NYAP2: variants seen among roughly 807,000 people sequenced by gnomAD.
The protein encoded by NYAP2 is neuronal tyrosine-phosphorylated phosphoinositide-3-kinase adapter 2.
A neutral mutation model predicts 50.4 loss-of-function variants in NYAP2; 23 were observed. That is an observed-to-expected ratio of 0.46 (90% confidence interval 0.33 to 0.65). The LOEUF (loss-of-function observed/expected upper bound fraction) is 0.65, where lower values mean the gene tolerates loss of function less well. NYAP2 is among the 30% of genes least tolerant of loss of function. The pLI, the probability that NYAP2 is intolerant of heterozygous loss-of-function variation, is 0.02. For missense variants in NYAP2, 885 were observed against 861.0 expected, an observed-to-expected ratio of 1.03 and a Z score of -0.35; for synonymous variants, 394 against 365.2, an observed-to-expected ratio of 1.08 and a Z score of -0.90.
intron 4 of NYAP2, among the ~76,000 whole-genome samples, chr2:225,564,330 G>A (rs759365035): frequency 4.0e-5 from 6 of 151,586 alleles, no homozygotes; most frequent in African/African-American, 1.5e-4. Flanking sequence ...CAAAAGTCAA[G>A]GATTAGATTT....
At chr2:225,539,045 T>A (rs1306307849) in intron 4 of NYAP2, among the ~76,000 whole-genome samples, 2 of 152,004 alleles carry the variant, frequency 1.3e-5, no homozygotes, top group African/African-American at 4.8e-5. Context: ...CCTCCCCGTG[T>A]CTGTGTGTTC....
chr2:225,451,355 C>A (rs987577142), intron 3 of NYAP2, among the ~76,000 whole-genome samples: 7 of 152,048 alleles, frequency 4.6e-5, no homozygotes, highest in Non-Finnish European at 1.0e-4. Context: ...TTAATATTTT[C>A]TTTATTTTAA....
chr2:225,473,857 TG>T (rs1225979252), intron 3 of NYAP2, among the ~76,000 whole-genome samples: 1 of 152,174 alleles, frequency 6.6e-6, no homozygotes, highest in African/African-American at 2.4e-5. Flanking sequence ...CCATTGCTTT[TG>T]GTGCTTTAGA....
rs1463018736 is a variant in NYAP2 at position 225,400,969 on chromosome 2, G to A, written c.-92G>A. The A allele has an allele frequency of 6.8e-6, 1 of 147,982 alleles. No homozygotes were observed. The highest frequency in any genetic ancestry group is 1.5e-5 in the Non-Finnish European group (1 of 66,954). The allele number at this position is 147,982 out of a possible 1,614,324, so 9.2% of individuals were successfully genotyped here. A position where few individuals can be genotyped will look rare whatever the true frequency, so the allele number is the denominator to read the frequency against. On this transcript the variant is annotated 5_prime_UTR_variant, in exon 2 of 7. In the 5' UTR this introduces an upstream ATG that the reference lacks. Transcript: ENST00000636099. ...CTACAGAACTGCCCTGAGATCAACC[G>A]TGAGAGAGGGCTCTGACAGACACAA... is the stretch of plus-strand genomic sequence containing the variant.
chr2:225,417,577 T>C (rs1240300794), intron 3 of NYAP2, among the ~76,000 whole-genome samples: 3 of 152,092 alleles, frequency 2.0e-5, no homozygotes, highest in Non-Finnish European at 2.9e-5. Context: ...ACAAGGAAGA[T>C]GTTTTAAAAA....
intron 6 of NYAP2, among the ~76,000 whole-genome samples, chr2:225,639,791 A>G (rs1217640751): frequency 6.6e-6 from 1 of 152,206 alleles, no homozygotes; most frequent in Non-Finnish European, 1.5e-5. Context: ...TGTAATTACA[A>G]TCGGTGATGA....
At chr2:225,649,136 C>A (rs1260825358) in intron 6 of NYAP2, among the ~76,000 whole-genome samples, 1 of 152,110 alleles carries the variant, frequency 6.6e-6, no homozygotes, top group Non-Finnish European at 1.5e-5. Context: ...TGAGAGCTAG[C>A]ATTCACTAAA....
At chr2:225,497,671 A>G (rs566235555) in intron 3 of NYAP2, among the ~76,000 whole-genome samples, 51 of 152,352 alleles carry the variant, frequency 3.3e-4, no homozygotes, top group African/African-American at 1.2e-3. Flanking sequence ...CTCACTGGAT[A>G]AATGAATGAA....
intron 4 of NYAP2, among the ~76,000 whole-genome samples, chr2:225,554,487 A>G (rs186704452): frequency 1.2e-3 from 177 of 150,918 alleles, no homozygotes; most frequent in African/African-American, 4.0e-3. Flanking sequence ...CACATGGCTA[A>G]TTTTTTTTTG....
At chr2:225,430,582 C>T (rs571892129) in intron 3 of NYAP2, among the ~76,000 whole-genome samples, 1 of 152,292 alleles carries the variant, frequency 6.6e-6, no homozygotes, top group East Asian at 1.9e-4. Context: ...TTAACTCACA[C>T]CCCACCACAC....
chr2:225,405,847 A>G (rs1040493898), intron 2 of NYAP2, among the ~76,000 whole-genome samples: 2 of 151,782 alleles, frequency 1.3e-5, no homozygotes, highest in Non-Finnish European at 2.9e-5. Flanking sequence ...GAATGTATCA[A>G]CTCCTAACCT....
At chr2:225,681,902 A>G in the NYAP2 span, among the ~76,000 whole-genome samples, 1 of 152,188 alleles carries the variant, frequency 6.6e-6, no homozygotes, top group African/African-American at 2.4e-5. Flanking sequence ...TGTGAGTATG[A>G]GGAGTAAATA....
chr2:225,501,635 A>G (rs145622795), intron 3 of NYAP2, among the ~76,000 whole-genome samples: 162 of 152,318 alleles, frequency 1.1e-3, no homozygotes, highest in African/African-American at 3.6e-3. Context: ...TTGTTTCAAC[A>G]GTGAAAGCAA....
chr2:225,442,897 C>T (rs1031824124), intron 3 of NYAP2, among the ~76,000 whole-genome samples: 3 of 152,098 alleles, frequency 2.0e-5, no homozygotes, highest in Admixed American at 1.3e-4. Flanking sequence ...GTTTAATGGA[C>T]TCATAGTTCC....
intron 3 of NYAP2, among the ~76,000 whole-genome samples, chr2:225,490,957 T>C (rs936932557): frequency 4.6e-5 from 7 of 152,156 alleles, no homozygotes; most frequent in African/African-American, 1.7e-4. Flanking sequence ...TTTTCATTTG[T>C]TCCATTATTT....
chr2:225,643,810 A>G (rs1462270074), intron 6 of NYAP2, among the ~76,000 whole-genome samples: 1 of 151,554 alleles, frequency 6.6e-6, no homozygotes, highest in Non-Finnish European at 1.5e-5. Flanking sequence ...TCCATGGTGT[A>G]TATGTGCCAC....
the NYAP2 span, among the ~76,000 whole-genome samples, chr2:225,689,775 A>T: frequency 3.3e-5 from 5 of 152,152 alleles, no homozygotes; most frequent in African/African-American, 9.7e-5. Context: ...ATGGAAAAAA[A>T]TACAGGAGAA....
chr2:225,493,123 C>T (rs570993343), intron 3 of NYAP2, among the ~76,000 whole-genome samples: 15 of 151,984 alleles, frequency 9.9e-5, no homozygotes, highest in African/African-American at 1.4e-4. Context: ...ATAGCTGGGA[C>T]TACAGGTGTG....
At chr2:225,688,475 T>C in the NYAP2 span, among the ~76,000 whole-genome samples, 10 of 152,250 alleles carry the variant, frequency 6.6e-5, no homozygotes, top group African/African-American at 2.4e-4. Flanking sequence ...TGAAGATTAA[T>C]AATGGAGTCC....
Sources: allele counts gnomAD v4.1 joint callset (sites outside exome capture counted in the v4.1 genomes callset), GRCh38; gene constraint gnomAD v4.1.1; transcripts MANE v1.5; gene names NCBI Gene and HGNC (gene_info 2026-07-23, HGNC 2026-07-21).